AKAP12: variants seen among roughly 807,000 people sequenced by gnomAD.
AKAP12 encodes the protein A-kinase anchoring protein 12.
A neutral mutation model predicts 79.9 loss-of-function variants in AKAP12; 32 were observed. The observed-to-expected ratio is 0.40, with a 90% confidence interval of 0.30 to 0.54. The LOEUF (loss-of-function observed/expected upper bound fraction) is 0.54. AKAP12 is among the 20% of genes least tolerant of loss of function. The probability of loss-of-function intolerance (pLI) is 0.48; values close to 1 mark genes in which losing one functional copy is unlikely to be tolerated. For synonymous variants in AKAP12, 808 were observed against 857.0 expected (o/e 0.94, Z 1.00); for missense variants, 2,074 against 2,177.0 (o/e 0.95, Z 0.94).
chr6:151,241,002 G>A (rs990265591), intron 2 of AKAP12, among the ~76,000 whole-genome samples: 2 of 152,182 alleles, frequency 1.3e-5, no homozygotes, highest in African/African-American at 4.8e-5. Context: ...CCCGCGCCCT[G>A]CCCACGGCGG....
intron 3 of AKAP12, chr6:151,344,004 C>CTT (rs775272717): frequency 4.7e-6 from 2 of 426,010 alleles, no homozygotes; most frequent in African/African-American, 4.3e-5. Context: ...GATGTCTGGA[C>CTT]TTTCTCTTTG....
At chr6:151,308,404 G>A (rs563955097) in intron 3 of AKAP12, among the ~76,000 whole-genome samples, 1 of 152,034 alleles carries the variant, frequency 6.6e-6, no homozygotes, top group Non-Finnish European at 1.5e-5. Context: ...GTAGAGACAA[G>A]GTTTCACCAT....
At position 151,351,877 on chromosome 6, in the gene AKAP12, G is replaced by T. The variant is rs1778302450; in HGVS notation, c.3486G>T (p.Ser1162=). The change falls in exon 4 of 5, where the codon TCG becomes TCT. Residue 1162 remains serine, a synonymous_variant. Coordinates refer to ENST00000402676, the MANE Select transcript of AKAP12 (RefSeq NM_005100.4). The surrounding 1 kb of genome is among the most constrained non-coding windows in gnomAD (Gnocchi z 4.4). ...MVMEQAIPPD[S]VETPTDSETD... The stretch of plus-strand genomic sequence containing the variant: ...TGGAACAGGCTATCCCCCCTGACTC[G>T]GTGGAAACCCCTACAGACAGTGAGA... 6.2e-7 allele frequency: 1 copy of T among 1,613,922 alleles called. No individual in the cohort carries two copies. Among genetic ancestry groups the T allele is most frequent in the African/African-American group, 1.3e-5 (1 of 74,868 alleles).
At chr6:151,244,354 C>T (rs1432416968) in intron 2 of AKAP12, among the ~76,000 whole-genome samples, 1 of 152,160 alleles carries the variant, frequency 6.6e-6, no homozygotes, top group African/African-American at 2.4e-5. Context: ...GAAACCCCAT[C>T]TCTACTAAAA....
At chr6:151,316,149 C>T (rs1777229756) in intron 3 of AKAP12, among the ~76,000 whole-genome samples, 2 of 152,178 alleles carry the variant, frequency 1.3e-5, no homozygotes, top group Non-Finnish European at 2.9e-5. Context: ...GCCTGTTAAT[C>T]AAGATTTATT....
rs33929436 is a variant in AKAP12, at chr6:151,357,709, A to ATTTT, written c.*2013_*2016dup. On this transcript the variant is annotated 3_prime_UTR_variant, in exon 5 of 5. Coordinates refer to ENST00000402676, the MANE Select transcript of AKAP12 (RefSeq NM_005100.4). Reference sequence around the variant, plus strand: ...AAAAAACCTCTGATATATATATATAATTTTTTTTTTTTTTTTTTTTTGGCC... The same window carrying ATTTT: ...AAAAAACCTCTGATATATATATATAATTTTTTTTTTTTTTTTTTTTTTTTTGGCC... 1.9e-5 allele frequency: 2 copies of ATTTT among 102,698 alleles called. No individual in the cohort carries two copies. The highest frequency in any genetic ancestry group is 4.2e-5 in the Non-Finnish European group (2 of 47,758). The allele number at this position is 102,698 out of a possible 1,614,324, so 6.4% of individuals were successfully genotyped here.
chr6:151,352,790 C>T lies in AKAP12; in HGVS notation c.4399C>T (p.His1467Tyr), dbSNP rs769163508. ...SSEKNEDFAA[H>Y]PGEDAVPTGP... ...TGAAAAAAATGAAGACTTTGCCGCT[C>T]ATCCAGGGGAAGATGCTGTGCCCAC... Residue 1467 changes from histidine to tyrosine, a missense_variant, in exon 4 of 5, where the codon CAT (histidine) becomes TAT (tyrosine). Physicochemically the swap from His to Tyr is moderately conservative, Grantham distance 83. This residue lies in a region of AKAP12 where 614 missense variants were observed against 665.6 expected (regional missense o/e 0.92). Transcript: ENST00000402676. 17 of 1,614,198 alleles carry T rather than the reference C, an allele frequency of 1.1e-5. 1 individual carries two copies. In the South Asian group the frequency reaches 1.3e-4, roughly 13 times the overall value.
Position 151,326,737 on chromosome 6 carries a change from ATTTAAC to A in AKAP12, c.319+20839_319+20844del, listed in dbSNP as rs1445647760. 3.3e-5 allele frequency among the ~76,000 whole-genome samples: 5 copies of A among 152,134 alleles called. No homozygotes were observed. The East Asian group carries it at 7.7e-4, about 23-fold the overall frequency. Reference sequence around the variant, plus strand: ...CAAGAAAATTAAATTCCGTTTGTGAATTTAACTTTATAGGAACAGGACTTCTTTATT... The same window carrying A: ...CAAGAAAATTAAATTCCGTTTGTGAATTTATAGGAACAGGACTTCTTTATT... On this transcript the variant is annotated intron_variant, in intron 3 of 4. Transcript: ENST00000402676.
intron 3 of AKAP12, among the ~76,000 whole-genome samples, chr6:151,331,331 A>AT (rs1217827987): frequency 2.6e-5 from 4 of 151,976 alleles, no homozygotes; most frequent in African/African-American, 7.3e-5. Flanking sequence ...AAGTGTTATA[A>AT]TTTTTTTTAT....
chr6:151,321,238 C>T (rs553634025), intron 3 of AKAP12, among the ~76,000 whole-genome samples: 7 of 152,274 alleles, frequency 4.6e-5, no homozygotes, highest in South Asian at 4.1e-4. Context: ...CTGCCCGCCT[C>T]GGCCTCCCAA....
chr6:151,245,772 T>C (rs1331134393), intron 2 of AKAP12, among the ~76,000 whole-genome samples: 1 of 152,176 alleles, frequency 6.6e-6, no homozygotes, highest in East Asian at 1.9e-4. Flanking sequence ...AATTAATGAT[T>C]GAGAACTTAA....
chr6:151,293,230 T>C lies in AKAP12; in HGVS notation c.163-12517T>C, dbSNP rs548847615. 3.9e-5 allele frequency among the ~76,000 whole-genome samples: 6 copies of C among 152,284 alleles called. No homozygotes were observed. In the East Asian group the frequency reaches 1.2e-3, roughly 29 times the overall value. The stretch of plus-strand genomic sequence containing the variant: ...TTTTGAGAGAAGCAGCCACTTAACG[T>C]GAGAGTAATTGCTTGAATATGAAGT... On this transcript the variant is annotated intron_variant, in intron 2 of 4. Coordinates refer to ENST00000402676, the MANE Select transcript of AKAP12 (RefSeq NM_005100.4).
At chr6:151,305,354 CA>C (rs1776955944) in intron 2 of AKAP12, among the ~76,000 whole-genome samples, 1 of 152,142 alleles carries the variant, frequency 6.6e-6, no homozygotes, top group Non-Finnish European at 1.5e-5. Flanking sequence ...CACAAGGAAA[CA>C]TTATTTATTA....
At chr6:151,248,986 C>CAA (rs34092565) in intron 2 of AKAP12, among the ~76,000 whole-genome samples, 3 of 133,792 alleles carry the variant, frequency 2.2e-5, no homozygotes, top group African/African-American at 5.5e-5. Flanking sequence ...GACTCTGTCT[C>CAA]AAAAAAAAAA....
At chr6:151,269,677 T>C (rs1379315836) in intron 2 of AKAP12, among the ~76,000 whole-genome samples, 2 of 152,260 alleles carry the variant, frequency 1.3e-5, no homozygotes, top group Non-Finnish European at 2.9e-5. Flanking sequence ...TTTCCTAGTC[T>C]CAATTGCTGG....
intron 2 of AKAP12, among the ~76,000 whole-genome samples, chr6:151,279,434 T>A (rs1562718996): frequency 6.6e-6 from 1 of 151,980 alleles, no homozygotes; most frequent in African/African-American, 2.4e-5. Flanking sequence ...TGTGTGTGTG[T>A]GATTAACTTA....
At chr6:151,255,275 C>T (rs1016351948) in intron 2 of AKAP12, among the ~76,000 whole-genome samples, 3 of 151,920 alleles carry the variant, frequency 2.0e-5, no homozygotes, top group African/African-American at 4.8e-5. Context: ...AAGCAGTTCT[C>T]CTGCCTCAGC....
At chr6:151,293,745 G>A (rs186860737) in intron 2 of AKAP12, among the ~76,000 whole-genome samples, 1 of 152,264 alleles carries the variant, frequency 6.6e-6, no homozygotes, top group Admixed American at 6.5e-5. Flanking sequence ...AAGTAACATG[G>A]TATTGGGCTT....
intron 2 of AKAP12, among the ~76,000 whole-genome samples, chr6:151,259,666 C>T (rs1401583046): frequency 6.7e-6 from 1 of 150,224 alleles, no homozygotes; most frequent in Non-Finnish European, 1.5e-5. Context: ...GCAACCTCCA[C>T]CTGCCAGGTT....
Sources: gnomAD v4.1 joint callset for allele counts (sites outside exome capture counted in the v4.1 genomes callset) on GRCh38, gnomAD v4.1.1 for gene constraint, gnomAD v4.1.1 regional missense constraint, Gnocchi (gnomAD v3.1) non-coding constraint, MANE v1.5 for transcripts, NCBI Gene and HGNC (gene_info 2026-07-23, HGNC 2026-07-21) for gene names.